FRMD4A: variants seen among roughly 807,000 people sequenced by gnomAD.
FRMD4A encodes the protein FERM domain containing 4A, also known as FERM domain-containing protein 4A.
Under a neutral mutation model 129.1 loss-of-function variants are expected in FRMD4A, and 29 were observed. The observed-to-expected ratio is 0.22, with a 90% confidence interval of 0.17 to 0.31. The LOEUF (loss-of-function observed/expected upper bound fraction) is 0.31, where lower values mean the gene tolerates loss of function less well. Ranked by LOEUF, FRMD4A falls within the 10% of genes least tolerant of loss-of-function variation. The pLI is 1.00. For synonymous variants in FRMD4A, 634 were observed against 571.6 expected, an observed-to-expected ratio of 1.11 and a Z score of -1.56; for missense variants, 1,272 against 1,375.8, an observed-to-expected ratio of 0.92 and a Z score of 1.19.
intron 2 of FRMD4A, among the ~76,000 whole-genome samples, chr10:13,877,237 AT>A (rs1395123857): frequency 6.6e-6 from 1 of 152,210 alleles, no homozygotes; most frequent in Non-Finnish European, 1.5e-5. Flanking sequence ...ATGGCCACCT[AT>A]GAGGTTAGTA....
intron 2 of FRMD4A, among the ~76,000 whole-genome samples, chr10:14,256,368 C>T (rs1844614980): frequency 6.6e-6 from 1 of 152,110 alleles, no homozygotes; most frequent in South Asian, 2.1e-4. Flanking sequence ...CCAAATCATG[C>T]ATTGGTAAAA....
intron 2 of FRMD4A, among the ~76,000 whole-genome samples, chr10:14,175,363 G>C (rs1295532151): frequency 6.6e-6 from 1 of 152,026 alleles, no homozygotes; most frequent in Admixed American, 6.6e-5. Flanking sequence ...ATCACAGGCT[G>C]GTCCCAGGCC....
At chr10:13,683,693 T>C (rs1274876774) in intron 15 of FRMD4A, among the ~76,000 whole-genome samples, 1 of 150,464 alleles carries the variant, frequency 6.6e-6, no homozygotes, top group South Asian at 2.1e-4. Flanking sequence ...TTAACGTGAA[T>C]TGTAGCTGGT....
chr10:13,738,886 G>T (rs775395829), intron 11 of FRMD4A, among the ~76,000 whole-genome samples: 15 of 152,324 alleles, frequency 9.8e-5, no homozygotes, highest in Non-Finnish European at 1.9e-4. Context: ...CTCCCAAAGT[G>T]CTGGGATTAC....
Position 14,314,079 on chromosome 10 carries a change from C to T in FRMD4A, c.45+15979G>A, listed in dbSNP as rs547122567. 7.2e-5 allele frequency among the ~76,000 whole-genome samples: 11 copies of T among 152,312 alleles called. No homozygotes were observed. In the South Asian group the frequency reaches 2.3e-3, roughly 32 times the overall value. Reference sequence around the variant, plus strand: ...AAAACCAGATAGCCAAGCACATTTGCCAGAAAGCCAGAAGAAATGCCCAAC... The same window carrying T: ...AAAACCAGATAGCCAAGCACATTTGTCAGAAAGCCAGAAGAAATGCCCAAC... On this transcript the variant is annotated intron_variant, in intron 2 of 24. Coordinates refer to ENST00000357447, the MANE Select transcript of FRMD4A (RefSeq NM_018027.5).
At chr10:13,851,831 C>T (rs368629502) in intron 3 of FRMD4A, among the ~76,000 whole-genome samples, 2 of 151,002 alleles carry the variant, frequency 1.3e-5, no homozygotes, top group East Asian at 1.9e-4. Context: ...ACTCAGGAGG[C>T]GAAGGTTACA....
At chr10:14,107,478 C>CT (rs1837647838) in intron 2 of FRMD4A, among the ~76,000 whole-genome samples, 2 of 152,216 alleles carry the variant, frequency 1.3e-5, no homozygotes, top group Admixed American at 1.3e-4. Context: ...TTAAAGTTAA[C>CT]TTTTTAATAT....
At chr10:14,254,345 C>T (rs972990885) in intron 2 of FRMD4A, among the ~76,000 whole-genome samples, 1 of 152,168 alleles carries the variant, frequency 6.6e-6, no homozygotes, top group Non-Finnish European at 1.5e-5. Flanking sequence ...GGAAAGTAAC[C>T]ATACTCTCTA....
At chr10:13,772,651 C>T (rs2092490775) in intron 6 of FRMD4A, among the ~76,000 whole-genome samples, 1 of 152,104 alleles carries the variant, frequency 6.6e-6, no homozygotes, top group African/African-American at 2.4e-5. Context: ...ATGCTAAAAG[C>T]CATCCCAGGA....
chr10:13,838,930 G>C (rs2093919982), intron 3 of FRMD4A, among the ~76,000 whole-genome samples: 1 of 149,982 alleles, frequency 6.7e-6, no homozygotes. Context: ...ACCATCCAAT[G>C]ATGATTAAGA....
rs35432616 is a variant in FRMD4A at position 14,330,307 on chromosome 10, G to GAAAAA, written c.-81-129_-81-125dup. ...CAGGGTGGGAACTGTGCTTAGGGAG[G>GAAAAA]AAAAAAAAAAAAAGAAGAAGGAAAA... is the stretch of plus-strand genomic sequence containing the variant. On this transcript the variant is annotated intron_variant, in intron 1 of 24. Transcript: ENST00000357447. The GAAAAA allele has an allele frequency of 1.2e-3, 514 of 426,410 alleles. 5 individuals carry two copies. Among genetic ancestry groups the GAAAAA allele is most frequent in the African/African-American group, 9.8e-3 (462 of 46,994 alleles). The allele number at this position is 426,410 out of a possible 1,614,324, so 26.4% of individuals were successfully genotyped here.
At chr10:14,280,213 C>A (rs1201641141) in intron 2 of FRMD4A, among the ~76,000 whole-genome samples, 2 of 152,198 alleles carry the variant, frequency 1.3e-5, no homozygotes, top group Non-Finnish European at 2.9e-5. Context: ...GGAGCAGCCC[C>A]TCGCCCTGGA....
chr10:13,656,560 C>T (rs1291979607), intron 22 of FRMD4A, 76 bp downstream of exon 22: 1 of 1,307,732 alleles, frequency 7.6e-7, no homozygotes, highest in African/African-American at 1.5e-5. Flanking sequence ...AGGGTACCTT[C>T]CCCGCGGTAG....
Position 13,782,988 on chromosome 10 carries a change from A to G in FRMD4A, c.318T>C (p.Ile106=), listed in dbSNP as rs575523243. 4 of 1,436,232 alleles carry G rather than the reference A, an allele frequency of 2.8e-6. No individual in the cohort carries two copies. The South Asian group carries it at 4.6e-5, about 16-fold the overall frequency. 89.0% of individuals were successfully genotyped at this position (1,436,232 alleles called of 1,614,324 possible). A position where few individuals can be genotyped will look rare whatever the true frequency, so the allele number is the denominator to read the frequency against. The part of the protein sequence containing the change: ...YFCVRFYIES[I]SYLKDNATIE... Reference sequence around the variant, plus strand: ...TGGTAGCATTATCCTTCAGGTATGAAATGCTTTCTATATAGAACCTGAAAG... The same window carrying G: ...TGGTAGCATTATCCTTCAGGTATGAGATGCTTTCTATATAGAACCTGAAAG... The change falls in exon 6 of 25, where the codon ATT becomes ATC. Residue 106 remains isoleucine, a synonymous_variant. Transcript: ENST00000357447.
chr10:14,283,482 C>A (rs1188942492), intron 2 of FRMD4A, among the ~76,000 whole-genome samples: 1 of 152,084 alleles, frequency 6.6e-6, no homozygotes, highest in African/African-American at 2.4e-5. Context: ...GGAAAACAAT[C>A]CAGACAAAAC....
intron 5 of FRMD4A, among the ~76,000 whole-genome samples, chr10:13,790,611 T>C (rs1278399754): frequency 1.3e-5 from 2 of 152,094 alleles, no homozygotes; most frequent in Non-Finnish European, 2.9e-5. Flanking sequence ...AGGGAGCATG[T>C]TCGAATGAGC....
chr10:13,705,403 C>T (rs2087325435), intron 13 of FRMD4A, among the ~76,000 whole-genome samples: 1 of 152,232 alleles, frequency 6.6e-6, no homozygotes, highest in African/African-American at 2.4e-5. Flanking sequence ...GTCCAAGGTG[C>T]CTGGGTGTTC....
At chr10:14,229,440 C>T (rs993669235) in intron 2 of FRMD4A, among the ~76,000 whole-genome samples, 44 of 152,206 alleles carry the variant, frequency 2.9e-4, no homozygotes, top group African/African-American at 9.4e-4. Flanking sequence ...TATGGAAATA[C>T]GTCAACCAGA....
intron 2 of FRMD4A, among the ~76,000 whole-genome samples, chr10:14,109,969 TC>T (rs1206675397): frequency 1.4e-5 from 2 of 139,138 alleles, no homozygotes; most frequent in African/African-American, 5.4e-5. Context: ...AGACTCCGTC[TC>T]CCTCCCCCAA....
Sources: allele counts gnomAD v4.1 joint callset (sites outside exome capture counted in the v4.1 genomes callset), GRCh38; gene constraint gnomAD v4.1.1; transcripts MANE v1.5; gene names NCBI Gene and HGNC (gene_info 2026-07-23, HGNC 2026-07-21).